LDLRAD3: variants seen among roughly 807,000 people sequenced by gnomAD.
LDLRAD3 encodes low-density lipoprotein receptor class A domain-containing protein 3.
A neutral mutation model predicts 29.4 loss-of-function variants in LDLRAD3; 20 were observed. That is an observed-to-expected ratio of 0.68 (90% CI 0.48 to 0.99). The LOEUF (loss-of-function observed/expected upper bound fraction) is 0.99. Ranked by LOEUF, LDLRAD3 falls within the 50% of genes least tolerant of loss-of-function variation. The pLI is 0.00. For missense variants in LDLRAD3, 420 were observed against 454.3 expected (o/e 0.92, Z 0.69); for synonymous variants, 157 against 192.7 (o/e 0.81, Z 1.53).
rs576831847 is a variant in LDLRAD3, at chr11:36,230,714, G to A, written c.*1317G>A. 6.5e-6 allele frequency: 1 copy of A among 152,752 alleles called. No individual in the cohort carries two copies. Among genetic ancestry groups the A allele is most frequent in the East Asian group, 1.9e-4 (1 of 5,182 alleles). 9.5% of individuals were successfully genotyped at this position (152,752 alleles called of 1,614,324 possible). ...TCTAGTTAAGGGACTATTTATATGT[G>A]TATAGGAAAGCTGTCTCTTTTTTTG... On this transcript the variant is annotated 3_prime_UTR_variant, in exon 6 of 6. Transcript: ENST00000315571.
At chr11:36,058,901 A>T (rs965066681) in intron 2 of LDLRAD3, among the ~76,000 whole-genome samples, 2 of 152,180 alleles carry the variant, frequency 1.3e-5, no homozygotes, top group Non-Finnish European at 2.9e-5. Context: ...AGGAACCCTG[A>T]TTTAGAGGAT....
chr11:36,035,825 C>A (rs565666680), intron 1 of LDLRAD3, among the ~76,000 whole-genome samples: 5 of 152,282 alleles, frequency 3.3e-5, no homozygotes, highest in African/African-American at 9.6e-5. Context: ...TACAACCAGT[C>A]TTTGATGGAG....
intron 1 of LDLRAD3, among the ~76,000 whole-genome samples, chr11:35,971,892 G>A (rs1203049427): frequency 6.6e-6 from 1 of 152,124 alleles, no homozygotes; most frequent in Non-Finnish European, 1.5e-5. Flanking sequence ...ATTGGGATGG[G>A]GAAGGAGTGG....
chr11:36,213,365 CTCTTTTGATTCAG>C lies in LDLRAD3; in HGVS notation c.455-13717_455-13705del, dbSNP rs1273913430. Among the ~76,000 whole-genome samples, 2 of 152,220 alleles carry C rather than the reference CTCTTTTGATTCAG, an allele frequency of 1.3e-5. No individual in the cohort carries two copies. The highest frequency in any genetic ancestry group is 1.3e-4 in the Admixed American group (2 of 15,284). On this transcript the variant is annotated intron_variant, in intron 4 of 5. Coordinates refer to ENST00000315571, the MANE Select transcript of LDLRAD3 (RefSeq NM_174902.4). This position sits in a 1 kb window ranked among gnomAD's most constrained non-coding sequence, Gnocchi z 4.1. Reference sequence around the variant, plus strand: ...ATGGTTCAGCGGGGTTTTCATGGCTCTCTTTTGATTCAGTCATTTGCTGGTCTGCCCTTTAAAT... The same window carrying C: ...ATGGTTCAGCGGGGTTTTCATGGCTCTCATTTGCTGGTCTGCCCTTTAAAT...
intron 4 of LDLRAD3, among the ~76,000 whole-genome samples, chr11:36,152,104 G>T (rs1023810308): frequency 1.3e-5 from 2 of 149,808 alleles, no homozygotes; most frequent in Admixed American, 1.3e-4. Flanking sequence ...AACTGAAACC[G>T]CAAATTGGCC....
intron 4 of LDLRAD3, among the ~76,000 whole-genome samples, chr11:36,214,678 C>T (rs1029805199): frequency 3.9e-5 from 6 of 152,178 alleles, no homozygotes; most frequent in African/African-American, 1.4e-4. Context: ...CCAGACAGAC[C>T]TGGGCTCGTG....
intron 1 of LDLRAD3, 55 bp from the exon 2 acceptor site, chr11:36,036,048 G>C: frequency 6.4e-7 from 1 of 1,573,604 alleles, no homozygotes; most frequent in Non-Finnish European, 8.7e-7. Flanking sequence ...CAGTTGAGGG[G>C]CGCTGAGGTC....
Position 36,213,154 on chromosome 11 carries a change from C to CG in LDLRAD3, c.455-13928dup, listed in dbSNP as rs1855306598. 6.6e-6 allele frequency among the ~76,000 whole-genome samples: 1 copy of CG among 150,426 alleles called. No homozygotes were observed. On this transcript the variant is annotated intron_variant, in intron 4 of 5. Transcript: ENST00000315571. The surrounding 1 kb of genome is among the most constrained non-coding windows in gnomAD (Gnocchi z 4.1). ...TCCCTCTCATTTTGAATTTAATCCT[C>CG]GGGCACTTGTCTCCCAGCTCTCAAT...
intron 5 of LDLRAD3, 28 bp downstream of exon 5, chr11:36,227,458 C>A: frequency 6.8e-7 from 1 of 1,475,290 alleles, no homozygotes; most frequent in South Asian, 1.3e-5. Context: ...GAGATTGAGG[C>A]GGGAGAGGTC....
intron 1 of LDLRAD3, among the ~76,000 whole-genome samples, chr11:35,954,301 G>A (rs529678197): frequency 8.0e-4 from 122 of 152,280 alleles, no homozygotes; most frequent in Non-Finnish European, 1.4e-3. Flanking sequence ...GAAGGGCAAC[G>A]TCAACATCTT....
intron 4 of LDLRAD3, among the ~76,000 whole-genome samples, chr11:36,140,042 AG>A (rs1452096914): frequency 6.6e-6 from 1 of 152,236 alleles, no homozygotes; most frequent in East Asian, 1.9e-4. Context: ...GCTAGGGAAA[AG>A]TAAATATTCC....
chr11:35,993,350 G>A (rs547621450), intron 1 of LDLRAD3, among the ~76,000 whole-genome samples: 4 of 152,148 alleles, frequency 2.6e-5, no homozygotes, highest in Non-Finnish European at 5.9e-5. Flanking sequence ...TTTTTGCATT[G>A]AGCATAGTGT....
At chr11:36,071,922 T>C (rs1852910904) in intron 2 of LDLRAD3, among the ~76,000 whole-genome samples, 1 of 152,216 alleles carries the variant, frequency 6.6e-6, no homozygotes, top group Non-Finnish European at 1.5e-5. Flanking sequence ...TAAGAGCATG[T>C]TTACCAAAAT....
intron 4 of LDLRAD3, among the ~76,000 whole-genome samples, chr11:36,159,035 T>C (rs1303436964): frequency 6.6e-6 from 1 of 152,230 alleles, no homozygotes; most frequent in African/African-American, 2.4e-5. Flanking sequence ...ATTGTAATTT[T>C]GTACGTGTTG....
intron 1 of LDLRAD3, among the ~76,000 whole-genome samples, chr11:35,950,693 C>T (rs541378894): frequency 1.1e-4 from 16 of 152,160 alleles, no homozygotes; most frequent in Non-Finnish European, 2.2e-4. Flanking sequence ...GTGAGAGTGG[C>T]TCCCATTCAT....
rs772903246 is a variant in LDLRAD3, at chr11:36,227,367, C to T, written c.737C>T (p.Ala246Val). 20 of 1,613,452 alleles carry T rather than the reference C, an allele frequency of 1.2e-5. No individual in the cohort carries two copies. The highest frequency in any genetic ancestry group is 4.5e-5 in the East Asian group (2 of 44,880). Residue 246 changes from alanine (A) to valine (V), a missense_variant, in exon 5 of 6, where the codon GCG becomes GTG. Ala to Val is a moderately conservative substitution (Grantham distance 64, BLOSUM62 0). Transcript: ENST00000315571. ...GGCATCCAGTATGTGGCCAGCCAGG[C>T]GGAGCAGAATGCGTCGGAAGTAGGC... Reference protein sequence around the residue: ...NNGIQYVASQAEQNASEVGSP... With the variant: ...NNGIQYVASQVEQNASEVGSP...
intron 1 of LDLRAD3, among the ~76,000 whole-genome samples, chr11:36,004,090 C>T: frequency 6.6e-6 from 1 of 152,146 alleles, no homozygotes; most frequent in Non-Finnish European, 1.5e-5. Flanking sequence ...GTGACCCCTC[C>T]CAAATATCAT....
intron 4 of LDLRAD3, among the ~76,000 whole-genome samples, chr11:36,142,943 A>G (rs1854107833): frequency 6.6e-6 from 1 of 151,994 alleles, no homozygotes; most frequent in South Asian, 2.1e-4. Flanking sequence ...GAGGCAAACC[A>G]CCCCAATGGG....
chr11:36,037,449 G>A (rs550681087), intron 2 of LDLRAD3, among the ~76,000 whole-genome samples: 18 of 152,130 alleles, frequency 1.2e-4, no homozygotes, highest in African/African-American at 4.3e-4. Flanking sequence ...CTGAGTAGCT[G>A]GAGTACAGGC....
Sources: gnomAD v4.1 joint callset for allele counts (sites outside exome capture counted in the v4.1 genomes callset) on GRCh38, gnomAD v4.1.1 for gene constraint, Gnocchi (gnomAD v3.1) non-coding constraint, MANE v1.5 for transcripts, NCBI Gene and HGNC (gene_info 2026-07-23, HGNC 2026-07-21) for gene names.